The following PLEKHA7 variants were observed in gnomAD, a reference collection of about 807,000 sequenced individuals.
The protein encoded by PLEKHA7 is pleckstrin homology domain-containing family A member 7.
PLEKHA7 carries 104 observed loss-of-function variants against 170.0 expected under a neutral mutation model. That is an observed-to-expected ratio of 0.61 (90% confidence interval 0.52 to 0.72). The LOEUF is 0.72. Ranked by LOEUF, PLEKHA7 falls within the 30% of genes least tolerant of loss-of-function variation. The probability of loss-of-function intolerance (pLI) is 0.00; values close to 1 mark genes in which losing one functional copy is unlikely to be tolerated. For missense variants in PLEKHA7, 1,615 were observed against 1,671.7 expected, an observed-to-expected ratio of 0.97 and a Z score of 0.59; for synonymous variants, 648 against 660.8, an observed-to-expected ratio of 0.98 and a Z score of 0.30.
intron 8 of PLEKHA7, among the ~76,000 whole-genome samples, chr11:16,849,693 T>G (rs1003398864): frequency 2.0e-5 from 3 of 152,204 alleles, no homozygotes; most frequent in South Asian, 4.1e-4. Context: ...GCTTTGTGAC[T>G]TTGGGCAAGT....
At chr11:17,003,224 C>A (rs944155252) in intron 3 of PLEKHA7, among the ~76,000 whole-genome samples, 1 of 152,152 alleles carries the variant, frequency 6.6e-6, no homozygotes, top group African/African-American at 2.4e-5. Context: ...CTCCTGACCT[C>A]AGGTGATCCG....
chr11:16,920,632 C>T (rs916323296), intron 3 of PLEKHA7, among the ~76,000 whole-genome samples: 1 of 152,112 alleles, frequency 6.6e-6, no homozygotes, highest in Non-Finnish European at 1.5e-5. Context: ...CCTCTGAGTC[C>T]GAAAAGTCAG....
intron 19 of PLEKHA7, among the ~76,000 whole-genome samples, chr11:16,792,183 G>C (rs78787376): frequency 6.6e-6 from 1 of 152,004 alleles, no homozygotes; most frequent in Non-Finnish European, 1.5e-5. Context: ...CAAGATATCC[G>C]AATCACCAAT....
chr11:16,790,787 C>A lies in PLEKHA7; in HGVS notation c.3052+11G>T. The A allele has an allele frequency of 1.2e-6, 2 of 1,606,202 alleles. No individual in the cohort carries two copies. The highest frequency in any genetic ancestry group is 1.7e-6 in the Non-Finnish European group (2 of 1,176,390). ...ATTCCCAGAGAAACTCCAGGGAGGG[C>A]CCTGCCTTACCTCTGCCTGGCAGCG... On this transcript the variant is annotated intron_variant, in intron 21 of 26. Coordinates refer to ENST00000531066, the MANE Select transcript of PLEKHA7 (RefSeq NM_001329630.2).
intron 13 of PLEKHA7, among the ~76,000 whole-genome samples, chr11:16,804,675 C>G (rs1005667098): frequency 4.6e-5 from 7 of 152,224 alleles, no homozygotes; most frequent in African/African-American, 1.7e-4. Flanking sequence ...AGACCTGGCA[C>G]AAACTCAGCA....
chr11:16,985,916 G>A (rs563645252), intron 3 of PLEKHA7, among the ~76,000 whole-genome samples: 20 of 152,346 alleles, frequency 1.3e-4, no homozygotes, highest in Admixed American at 2.6e-4. Flanking sequence ...TGAAAGCACT[G>A]CTAACTAAAT....
chr11:16,824,955 T>C (rs778415542), intron 10 of PLEKHA7, among the ~76,000 whole-genome samples: 134 of 152,294 alleles, frequency 8.8e-4, no homozygotes, highest in Admixed American at 1.8e-3. Flanking sequence ...TTCTGTTTTA[T>C]TAATAAGACA....
chr11:16,992,311 T>C (rs1864093462), intron 3 of PLEKHA7, among the ~76,000 whole-genome samples: 1 of 152,230 alleles, frequency 6.6e-6, no homozygotes, highest in Admixed American at 6.5e-5. Flanking sequence ...AACTCCTTCA[T>C]AAGGAAGCCC....
At chr11:16,990,766 T>C (rs1416362224) in intron 3 of PLEKHA7, among the ~76,000 whole-genome samples, 1 of 152,208 alleles carries the variant, frequency 6.6e-6, no homozygotes, top group African/African-American at 2.4e-5. Context: ...TCACTCAACA[T>C]CAGTTTCTCT....
intron 17 of PLEKHA7, 140 bp from the exon 18 acceptor site, chr11:16,795,158 GC>G (rs1848133454): frequency 1.6e-6 from 1 of 641,956 alleles, no homozygotes; most frequent in Non-Finnish European, 2.8e-6. Context: ...CTAGAACCAA[GC>G]CTGCTTCATA....
chr11:16,976,412 C>T (rs1163270194), intron 3 of PLEKHA7, among the ~76,000 whole-genome samples: 1 of 152,218 alleles, frequency 6.6e-6, no homozygotes, highest in Non-Finnish European at 1.5e-5. Flanking sequence ...TTTCCTCCAG[C>T]ACCCCTCTTC....
chr11:16,847,514 A>C lies in PLEKHA7; in HGVS notation c.696+3677T>G, dbSNP rs1852540087. 2.0e-5 allele frequency among the ~76,000 whole-genome samples: 3 copies of C among 151,794 alleles called. No individual in the cohort carries two copies. The South Asian group carries it at 6.3e-4, about 32-fold the overall frequency. On this transcript the variant is annotated intron_variant, in intron 8 of 26. Coordinates refer to ENST00000531066, the MANE Select transcript of PLEKHA7 (RefSeq NM_001329630.2). ...GGCTAAAAATGTGGCTAGAGATATA[A>C]GCTGGGGCCTCGTGAATCACAATTG...
In PLEKHA7 at chr11:16,817,117, C is replaced by A. The variant is rs2134714769; in HGVS notation, c.1549G>T (p.Asp517Tyr). 6.2e-7 allele frequency: 1 copy of A among 1,614,180 alleles called. No homozygotes were observed. Among genetic ancestry groups the A allele is most frequent in the Non-Finnish European group, 8.5e-7 (1 of 1,180,032 alleles). ...TCGTAGAGCTGCCACACGGTGCCAT[C>A]CCGGTGCGCCCGGCGCTCTTCACTC... is the stretch of plus-strand genomic sequence containing the variant. Reference protein sequence around the residue: ...MSSEERRAHRDGTVWQLYEWQ... With the variant: ...MSSEERRAHRYGTVWQLYEWQ... Residue 517 changes from aspartate to tyrosine, a missense_variant, in exon 11 of 27, where the codon GAT becomes TAT. Coordinates refer to ENST00000531066, the MANE Select transcript of PLEKHA7 (RefSeq NM_001329630.2). The surrounding 1 kb of genome is among the most constrained non-coding windows in gnomAD (Gnocchi z 4.4).
At chr11:16,827,389 C>G (rs537041815) in intron 9 of PLEKHA7, among the ~76,000 whole-genome samples, 187 of 152,294 alleles carry the variant, frequency 1.2e-3, no homozygotes, top group African/African-American at 4.4e-3. Context: ...ATTATTTGCT[C>G]AAGATCAAAC....
chr11:16,942,036 T>C (rs1160548563), intron 3 of PLEKHA7, among the ~76,000 whole-genome samples: 1 of 152,256 alleles, frequency 6.6e-6, no homozygotes, highest in Non-Finnish European at 1.5e-5. Context: ...GAGTGTTTAC[T>C]CACGCGTAAG....
chr11:17,005,918 G>A lies in PLEKHA7; in HGVS notation c.221+8071C>T, dbSNP rs148700751. ...GGATTCTGCCAAAACTTGCCAAGCT[G>A]GGAAAACCTTTCTTAACCTTCAATG... is the stretch of plus-strand genomic sequence containing the variant. On this transcript the variant is annotated intron_variant, in intron 3 of 26. Coordinates refer to ENST00000531066, the MANE Select transcript of PLEKHA7 (RefSeq NM_001329630.2). Among the ~76,000 whole-genome samples, 1,042 of 152,260 alleles carry A rather than the reference G, an allele frequency of 6.8e-3. 5 individuals are homozygous for A. Among genetic ancestry groups the A allele is most frequent in the South Asian group, 0.013 (61 of 4,820 alleles).
chr11:16,980,387 C>T (rs4757468), intron 3 of PLEKHA7, among the ~76,000 whole-genome samples: 52,144 of 151,980 alleles, frequency 0.34, 9,220 homozygotes, highest in East Asian at 0.42. Flanking sequence ...GAGAGCCTGG[C>T]AAGTGGGCTC....
At chr11:16,829,948 C>T (rs995500541) in intron 9 of PLEKHA7, among the ~76,000 whole-genome samples, 1 of 151,924 alleles carries the variant, frequency 6.6e-6, no homozygotes, top group African/African-American at 2.4e-5. Flanking sequence ...ACTGAACCAA[C>T]AGTCCTCAAG....
chr11:16,856,276 A>C (rs1390872134), intron 4 of PLEKHA7, among the ~76,000 whole-genome samples: 1 of 152,190 alleles, frequency 6.6e-6, no homozygotes, highest in East Asian at 1.9e-4. Flanking sequence ...TCAGCACGCA[A>C]GAGCAATCCA....
Sources: allele counts gnomAD v4.1 joint callset (sites outside exome capture counted in the v4.1 genomes callset), GRCh38; gene constraint gnomAD v4.1.1; non-coding constraint Gnocchi (gnomAD v3.1); transcripts MANE v1.5; gene names NCBI Gene and HGNC (gene_info 2026-07-23, HGNC 2026-07-21).